The following E2F7 variants were observed in gnomAD, a reference collection of about 807,000 sequenced individuals.
The protein encoded by E2F7 is transcription factor E2F7.
In E2F7, 35 loss-of-function variants were observed where a neutral mutation model predicts 81.1. That is an observed-to-expected ratio of 0.43 (90% confidence interval 0.33 to 0.57). The LOEUF (loss-of-function observed/expected upper bound fraction) is 0.57, where lower values mean the gene tolerates loss of function less well. Among genes scored for constraint, E2F7 ranks in the 20% least tolerant of loss-of-function variants. The pLI, the probability that E2F7 is intolerant of heterozygous loss-of-function variation, is 0.04. For missense variants in E2F7, 961 were observed against 1,093.7 expected, an observed-to-expected ratio of 0.88 and a Z score of 1.71; for synonymous variants, 416 against 416.2, an observed-to-expected ratio of 1.00 and a Z score of 0.01.
chr12:77,031,025 G>A (rs1420183025), intron 9 of E2F7, among the ~76,000 whole-genome samples: 2 of 152,086 alleles, frequency 1.3e-5, no homozygotes, highest in South Asian at 2.1e-4. Flanking sequence ...CATTCTGCTC[G>A]GTGTTATTAA....
chr12:77,053,791 T>C (rs190005250), intron 3 of E2F7, among the ~76,000 whole-genome samples: 16 of 152,310 alleles, frequency 1.1e-4, no homozygotes, highest in Admixed American at 3.3e-4. Flanking sequence ...AGGATGTATG[T>C]TGATTGACAA....
At chr12:77,061,151 G>A (rs541687520) in intron 2 of E2F7, among the ~76,000 whole-genome samples, 2 of 152,150 alleles carry the variant, frequency 1.3e-5, no homozygotes, top group South Asian at 2.1e-4. Flanking sequence ...CCACTCCCAC[G>A]TATAAAGCTT....
chr12:77,030,266 GA>G lies in E2F7; in HGVS notation c.1448del (p.Phe483SerfsTer15). On this transcript the variant is annotated frameshift_variant, in exon 10 of 13. Transcript: ENST00000322886. LOFTEE classifies it high-confidence loss of function. ...ATTCTGGGTCAACAGAGAGGACAGG[GA>G]AAGGAGCAACAGGGTCCAAGCTGCT... ...PSSSLDPVAP[F>X]PVLSVDPEYC... is the part of the protein sequence containing the mutation. 1 of 1,608,114 alleles carries G rather than the reference GA, an allele frequency of 6.2e-7. No homozygotes were observed. The highest frequency in any genetic ancestry group is 1.1e-5 in the South Asian group (1 of 90,024).
In E2F7 at chr12:77,025,968, T is replaced by C; in HGVS notation, c.2155A>G (p.Asn719Asp). The change falls in exon 12 of 13, where the codon AAT becomes GAT. Residue 719 changes from asparagine (N) to aspartate (D), a missense_variant. Around this residue, in one of 3 missense-constraint regions of E2F7, gnomAD observed 587 missense variants for 620.3 expected, o/e 0.95. Transcript: ENST00000322886. ...VQSPAGLNGF[N>D]VLLSGSQTPP... ...GTTTGACTGCCAGATAAAAGTACATTGAAACCATTTAATCCTGAAAGAAAA... is the reference window on the plus strand; with the variant it reads ...GTTTGACTGCCAGATAAAAGTACATCGAAACCATTTAATCCTGAAAGAAAA... 6.2e-7 allele frequency: 1 copy of C among 1,609,342 alleles called. No homozygotes were observed. Among genetic ancestry groups the C allele is most frequent in the Non-Finnish European group, 8.5e-7 (1 of 1,177,762 alleles).
chr12:77,061,097 C>A (rs576904335), intron 2 of E2F7, among the ~76,000 whole-genome samples: 1 of 152,122 alleles, frequency 6.6e-6, no homozygotes, highest in Non-Finnish European at 1.5e-5. Context: ...CAAACCAAAC[C>A]GCAAGAGTGC....
chr12:77,044,280 G>A (rs1954920189), intron 6 of E2F7: 1 of 463,326 alleles, frequency 2.2e-6, no homozygotes, highest in South Asian at 1.6e-5. Context: ...CTTCAGAAGA[G>A]TATGCAGGGG....
At chr12:77,042,107 C>T (rs1406799824) in intron 7 of E2F7, among the ~76,000 whole-genome samples, 3 of 152,094 alleles carry the variant, frequency 2.0e-5, no homozygotes, top group Non-Finnish European at 4.4e-5. Context: ...GTGAAAAGAA[C>T]GGGAGAAATC....
intron 7 of E2F7, 50 bp from the exon 8 acceptor site, chr12:77,034,092 A>G (rs370540083): frequency 8.5e-6 from 13 of 1,523,052 alleles, no homozygotes; most frequent in East Asian, 7.0e-5. Flanking sequence ...GTAATTCAGG[A>G]TAATTTTCGT....
chr12:77,059,045 G>A (rs867527286), intron 2 of E2F7, among the ~76,000 whole-genome samples: 31 of 152,228 alleles, frequency 2.0e-4, no homozygotes, highest in Middle Eastern at 6.8e-3. Flanking sequence ...ATGCTGGGTG[G>A]ACAGAGATTT....
At position 77,023,345 on chromosome 12, in the gene E2F7, TCA is replaced by T. The variant is rs1278560751; in HGVS notation, c.*668_*669del. 6.5e-6 allele frequency: 1 copy of T among 152,682 alleles called. No individual in the cohort carries two copies. The highest frequency in any genetic ancestry group is 1.5e-5 in the Non-Finnish European group (1 of 68,060). 9.5% of individuals were successfully genotyped at this position (152,682 alleles called of 1,614,324 possible). A position where few individuals can be genotyped will look rare whatever the true frequency, so the allele number is the denominator to read the frequency against. ...GTTCATTTACAGCAAGGTGTGTCATTCACAGTTATTTTGGTCTTGACATGTGT... is the reference window on the plus strand; with the variant it reads ...GTTCATTTACAGCAAGGTGTGTCATTCAGTTATTTTGGTCTTGACATGTGT... On this transcript the variant is annotated 3_prime_UTR_variant, in exon 13 of 13. Coordinates refer to ENST00000322886, the MANE Select transcript of E2F7 (RefSeq NM_203394.3).
intron 7 of E2F7, among the ~76,000 whole-genome samples, chr12:77,038,875 T>C (rs1234089974): frequency 6.6e-6 from 1 of 152,214 alleles, no homozygotes; most frequent in Non-Finnish European, 1.5e-5. Context: ...ATTATTTATT[T>C]ATCAATTCTT....
At position 77,024,036 on chromosome 12, in the gene E2F7, GATTT is replaced by G; in HGVS notation, c.2711_2714del (p.Glu904AlafsTer36). On this transcript the variant is annotated frameshift_variant, in exon 13 of 13. Transcript: ENST00000322886. LOFTEE classifies it high-confidence loss of function. Reference sequence around the variant, plus strand: ...CAGGTTAGTCAGCGCCGCCGCTGGGGATTTCTAGTCTCCTCTGGGCCGAGCTGGT... The same window carrying G: ...CAGGTTAGTCAGCGCCGCCGCTGGGGCTAGTCTCCTCTGGGCCGAGCTGGT... 1.2e-6 allele frequency: 2 copies of G among 1,613,922 alleles called. No individual in the cohort carries two copies. Among genetic ancestry groups the G allele is most frequent in the Non-Finnish European group, 1.7e-6 (2 of 1,180,006 alleles).
intron 7 of E2F7, among the ~76,000 whole-genome samples, chr12:77,035,447 A>G (rs925640070): frequency 6.6e-6 from 1 of 152,226 alleles, no homozygotes; most frequent in Non-Finnish European, 1.5e-5. Context: ...GCCAATGGCT[A>G]CAGTAGAAAA....
At chr12:77,062,037 T>G (rs951791643) in intron 2 of E2F7, among the ~76,000 whole-genome samples, 2 of 151,508 alleles carry the variant, frequency 1.3e-5, no homozygotes, top group African/African-American at 4.8e-5. Context: ...AGTATAGCAC[T>G]CACCAAATCA....
intron 2 of E2F7, among the ~76,000 whole-genome samples, chr12:77,057,455 C>T (rs546928033): frequency 1.3e-5 from 2 of 152,172 alleles, no homozygotes; most frequent in South Asian, 4.1e-4. Context: ...AGTAATCATC[C>T]CATCTTGGCC....
chr12:77,063,344 A>G (rs1177005947), intron 2 of E2F7, among the ~76,000 whole-genome samples: 1 of 152,218 alleles, frequency 6.6e-6, no homozygotes, highest in Non-Finnish European at 1.5e-5. Context: ...GATCTACTGT[A>G]AGAATTAGTC....
intron 3 of E2F7, among the ~76,000 whole-genome samples, chr12:77,053,769 A>T (rs1955008592): frequency 6.6e-6 from 1 of 152,238 alleles, no homozygotes; most frequent in Non-Finnish European, 1.5e-5. Flanking sequence ...GCGAAAACAC[A>T]AATGAACCTA....
intron 7 of E2F7, among the ~76,000 whole-genome samples, chr12:77,037,962 T>C (rs1304755629): frequency 6.6e-6 from 1 of 152,130 alleles, no homozygotes; most frequent in African/African-American, 2.4e-5. Flanking sequence ...ACAATATATA[T>C]TATGCTAACT....
chr12:77,034,373 G>C (rs955199721), intron 7 of E2F7, among the ~76,000 whole-genome samples: 1 of 152,152 alleles, frequency 6.6e-6, no homozygotes, highest in Non-Finnish European at 1.5e-5. Flanking sequence ...TTTGAGCAGA[G>C]AGTATCAAAG....
Sources: allele counts gnomAD v4.1 joint callset (sites outside exome capture counted in the v4.1 genomes callset), GRCh38; gene constraint gnomAD v4.1.1; regional missense constraint gnomAD v4.1.1; transcripts MANE v1.5; gene names NCBI Gene and HGNC (gene_info 2026-07-23, HGNC 2026-07-21).